ZDHHC14: variants seen among roughly 807,000 people sequenced by gnomAD.
ZDHHC14 encodes the protein zDHHC palmitoyltransferase 14, also known as palmitoyltransferase ZDHHC14.
Under a neutral mutation model 47.7 loss-of-function variants are expected in ZDHHC14, and 16 were observed. The ratio of observed to expected loss-of-function variants is 0.34; its 90% CI spans 0.23 to 0.51. The LOEUF (loss-of-function observed/expected upper bound fraction) is 0.51. Among genes scored for constraint, ZDHHC14 ranks in the 20% least tolerant of loss-of-function variants. ZDHHC14 has a pLI of 0.97. For missense variants in ZDHHC14, 515 were observed against 662.5 expected (o/e 0.78, Z 2.44); for synonymous variants, 293 against 278.9 (o/e 1.05, Z -0.50).
intron 7 of ZDHHC14, among the ~76,000 whole-genome samples, chr6:157,647,694 G>A (rs376288897): frequency 1.2e-4 from 19 of 152,344 alleles, no homozygotes; most frequent in Middle Eastern, 3.4e-3. Flanking sequence ...GGTTAGCATC[G>A]TCAAGGAGAC....
chr6:157,630,980 TCA>T (rs71694369), intron 4 of ZDHHC14: 57,301 of 144,418 alleles, frequency 0.4, 11,627 homozygotes, highest in East Asian at 0.84. Context: ...TTACCCACAC[TCA>T]CACACACCCT....
At chr6:157,412,629 T>C (rs1777892772) in intron 1 of ZDHHC14, among the ~76,000 whole-genome samples, 1 of 152,064 alleles carries the variant, frequency 6.6e-6, no homozygotes, top group South Asian at 2.1e-4. Flanking sequence ...TGTCTTAGCT[T>C]GAAGTGGTCA....
chr6:157,392,856 T>C (rs188223725), intron 1 of ZDHHC14, among the ~76,000 whole-genome samples: 69 of 152,272 alleles, frequency 4.5e-4, no homozygotes, highest in African/African-American at 1.6e-3. Context: ...ATGGCACTTT[T>C]TTTATTTTAT....
chr6:157,400,617 C>G (rs1777615384), intron 1 of ZDHHC14, among the ~76,000 whole-genome samples: 1 of 152,210 alleles, frequency 6.6e-6, no homozygotes, highest in South Asian at 2.1e-4. Flanking sequence ...TTGGAAAACA[C>G]TACTCCATAC....
At chr6:157,469,792 A>T (rs1779311563) in intron 1 of ZDHHC14, among the ~76,000 whole-genome samples, 1 of 152,246 alleles carries the variant, frequency 6.6e-6, no homozygotes, top group African/African-American at 2.4e-5. Flanking sequence ...GCCAGAAGCG[A>T]AGTCCACCAG....
rs182966034 is a variant in ZDHHC14, at chr6:157,472,794, T to A, written c.246-69791T>A. On this transcript the variant is annotated intron_variant, in intron 1 of 8. Transcript: ENST00000359775. ...ATGTGGATACAAAGGGCAGCTTTGC[T>A]CTTAGGAACTTAGGAAATTTTCCAG... Among the ~76,000 whole-genome samples, 21 of 152,302 alleles carry A rather than the reference T, an allele frequency of 1.4e-4. No individual in the cohort carries two copies. The East Asian group carries it at 4.1e-3, about 29-fold the overall frequency.
intron 1 of ZDHHC14, among the ~76,000 whole-genome samples, chr6:157,458,849 ATTTTT>A (rs750975822): frequency 8.4e-4 from 68 of 81,222 alleles, no homozygotes; most frequent in African/African-American, 2.4e-3. Context: ...ATGTGGGTGG[ATTTTT>A]TTTTTTTTTT....
chr6:157,438,034 C>T (rs1012041316), intron 1 of ZDHHC14, among the ~76,000 whole-genome samples: 1 of 152,002 alleles, frequency 6.6e-6, no homozygotes, highest in East Asian at 1.9e-4. Flanking sequence ...GTAAAATATA[C>T]ATAACATAAA....
intron 1 of ZDHHC14, among the ~76,000 whole-genome samples, chr6:157,477,587 A>AT (rs953248402): frequency 5.3e-5 from 8 of 152,120 alleles, no homozygotes; most frequent in Admixed American, 3.9e-4. Context: ...AATTTATTTT[A>AT]TTTTTTTGAT....
Position 157,462,498 on chromosome 6 carries a change from A to C in ZDHHC14, c.246-80087A>C, listed in dbSNP as rs138764023. 3.1e-3 allele frequency among the ~76,000 whole-genome samples: 466 copies of C among 152,304 alleles called. 4 individuals are homozygous for C. Among genetic ancestry groups the C allele is most frequent in the African/African-American group, 0.011 (456 of 41,560 alleles). ...CTGTCTTCCACCACATTAGGCAAAA[A>C]AAGTAGTGCAGTGCCTTGTTTTCAG... On this transcript the variant is annotated intron_variant, in intron 1 of 8. Coordinates refer to ENST00000359775, the MANE Select transcript of ZDHHC14 (RefSeq NM_024630.3).
chr6:157,511,190 C>G (rs1049434134), intron 1 of ZDHHC14, among the ~76,000 whole-genome samples: 1 of 152,158 alleles, frequency 6.6e-6, no homozygotes, highest in South Asian at 2.1e-4. Flanking sequence ...ACCATTTCCT[C>G]TTGGCTGGCG....
chr6:157,545,347 G>A (rs1470763340), intron 2 of ZDHHC14, among the ~76,000 whole-genome samples: 1 of 151,954 alleles, frequency 6.6e-6, no homozygotes, highest in Non-Finnish European at 1.5e-5. Flanking sequence ...GACTGCTGTG[G>A]TACATAAATT....
chr6:157,543,022 T>A (rs1327007857), intron 2 of ZDHHC14, among the ~76,000 whole-genome samples: 11 of 152,198 alleles, frequency 7.2e-5, no homozygotes. Context: ...GAAACCCAAG[T>A]GTTTGATTCC....
At chr6:157,527,109 A>T (rs1353628147) in intron 1 of ZDHHC14, among the ~76,000 whole-genome samples, 1 of 152,142 alleles carries the variant, frequency 6.6e-6, no homozygotes, top group Non-Finnish European at 1.5e-5. Context: ...ACAATGTGAA[A>T]CCATGGCCGT....
At chr6:157,484,269 G>A (rs942254630) in intron 1 of ZDHHC14, among the ~76,000 whole-genome samples, 1 of 131,464 alleles carries the variant, frequency 7.6e-6, no homozygotes, top group African/African-American at 2.8e-5. Flanking sequence ...ATATATATAT[G>A]TATATATACG....
At chr6:157,529,319 G>A (rs544850014) in intron 1 of ZDHHC14, 2 of 153,572 alleles carry the variant, frequency 1.3e-5, no homozygotes, top group East Asian at 1.9e-4. Context: ...TTATGTTTTA[G>A]CATTGTACTG....
intron 1 of ZDHHC14, among the ~76,000 whole-genome samples, chr6:157,409,839 T>TGG (rs898936402): frequency 6.6e-5 from 10 of 150,394 alleles, no homozygotes; most frequent in African/African-American, 2.5e-4. Context: ...TTTTATTTTT[T>TGG]GGGGGGGGGG....
At chr6:157,389,905 A>G (rs2114733897) in intron 1 of ZDHHC14, among the ~76,000 whole-genome samples, 1 of 152,302 alleles carries the variant, frequency 6.6e-6, no homozygotes, top group East Asian at 1.9e-4. Flanking sequence ...TTTAAAACAC[A>G]TATACACACG....
At chr6:157,608,995 G>A (rs768645698) in intron 3 of ZDHHC14, among the ~76,000 whole-genome samples, 2 of 152,184 alleles carry the variant, frequency 1.3e-5, no homozygotes, top group Non-Finnish European at 2.9e-5. Flanking sequence ...AAAGGAGAGT[G>A]CTTGACCCCT....
Sources: gnomAD v4.1 joint callset for allele counts (sites outside exome capture counted in the v4.1 genomes callset) on GRCh38, gnomAD v4.1.1 for gene constraint, MANE v1.5 for transcripts, NCBI Gene and HGNC (gene_info 2026-07-23, HGNC 2026-07-21) for gene names.